Variants in TTN observed in about 807,000 individuals in gnomAD.
The protein encoded by TTN is connectin.
Under a neutral mutation model 3,223.0 loss-of-function variants are expected in TTN, and 1,525 were observed. The observed-to-expected ratio is 0.47, with a 90% CI of 0.45 to 0.49. TTN has a LOEUF of 0.49. Among genes scored for constraint, TTN ranks in the 20% least tolerant of loss-of-function variants. The pLI is 0.00. For missense variants in TTN, 40,786 were observed against 43,424.0 expected (o/e 0.94, Z 5.40); for synonymous variants, 14,094 against 15,161.0 (o/e 0.93, Z 5.17).
Position 178,712,121 on chromosome 2 carries a change from A to C in TTN, c.27709T>G (p.Ser9237Ala), listed in dbSNP as rs766638714. The C allele has an allele frequency of 2.5e-5, 40 of 1,613,682 alleles. No individual in the cohort carries two copies. The East Asian group carries it at 8.2e-4, about 33-fold the overall frequency. ...AATTTTGTATCTCCTTTATACCAGGATACCCCAATTTCAGGGGTTCCAGCA... is the reference window on the plus strand; with the variant it reads ...AATTTTGTATCTCCTTTATACCAGGCTACCCCAATTTCAGGGGTTCCAGCA... ...QLAGTPEIGV[S>A]WYKGDTKLRP... Residue 9237 changes from serine (S) to alanine (A), a missense_variant, in exon 96 of 363, where the codon TCC becomes GCC. Coordinates refer to ENST00000589042, the MANE Select transcript of TTN (RefSeq NM_001267550.2).
At chr2:178,661,734 G>A (rs2064770099) in intron 180 of TTN, 25 bp downstream of exon 180, 1 of 1,591,408 alleles carries the variant, frequency 6.3e-7, no homozygotes, top group African/African-American at 1.4e-5. Flanking sequence ...TAGATCATCT[G>A]AAGCCTAAAA....
rs773517655 is a variant in TTN, at chr2:178,562,791, C to T, written c.83341G>A (p.Asp27781Asn). ...VNLTIREVKK[D>N]SVTLSWEPPL... ...GGTTCCCAGGACAACGTCACTGAGT[C>T]TTTCTTCACTTCTCTTATGGTCAAA... is the stretch of plus-strand genomic sequence containing the variant. Residue 27781 changes from aspartate to asparagine, a missense_variant, in exon 326 of 363, where the codon GAC becomes AAC. By Grantham distance (23) the Asp-to-Asn change is conservative. Coordinates refer to ENST00000589042, the MANE Select transcript of TTN (RefSeq NM_001267550.2). 2 of 1,613,270 alleles carry T rather than the reference C, an allele frequency of 1.2e-6. No individual in the cohort carries two copies. Among genetic ancestry groups the T allele is most frequent in the African/African-American group, 1.3e-5 (1 of 75,022 alleles).
chr2:178,672,396 T>C lies in TTN; in HGVS notation c.34930+11A>G, dbSNP rs777494589. On this transcript the variant is annotated intron_variant, in intron 154 of 362. Coordinates refer to ENST00000589042, the MANE Select transcript of TTN (RefSeq NM_001267550.2). ...ACAATACACGAAAATCCAGGATCTT[T>C]CCAAAAATACCTTTAGCTGGGGGAA... 2.0e-5 allele frequency: 32 copies of C among 1,601,028 alleles called. 1 individual carries two copies. In the South Asian group the frequency reaches 3.6e-4, roughly 18 times the overall value.
chr2:178,628,042 C>T (rs2059292175), intron 240 of TTN, among the ~76,000 whole-genome samples: 1 of 151,994 alleles, frequency 6.6e-6, no homozygotes, highest in Non-Finnish European at 1.5e-5. Context: ...TAACTTAATT[C>T]CCATGCTACA....
Position 178,620,904 on chromosome 2 carries a change from C to T in TTN, c.45706G>A (p.Ala15236Thr). ...TCATTTCTGAACCATTTGGCTTTGGCACCTTCAGTATTGACTTCACAGTTG... is the reference window on the plus strand; with the variant it reads ...TCATTTCTGAACCATTTGGCTTTGGTACCTTCAGTATTGACTTCACAGTTG... ...VFNCEVNTEG[A>T]KAKWFRNEEA... The change falls in exon 247 of 363, where the codon GCC becomes ACC. Residue 15236 changes from alanine to threonine, a missense_variant. Physicochemically the swap from Ala to Thr is moderately conservative, Grantham distance 58 (BLOSUM62 0). Transcript: ENST00000589042. 1.2e-6 allele frequency: 2 copies of T among 1,612,506 alleles called. No homozygotes were observed. Among genetic ancestry groups the T allele is most frequent in the East Asian group, 4.5e-5 (2 of 44,666 alleles).
rs2079519176 is a variant in TTN, at chr2:178,727,365, G to A, written c.20000C>T (p.Pro6667Leu). The A allele has an allele frequency of 6.3e-7, 1 of 1,592,356 alleles. No individual in the cohort carries two copies. Among genetic ancestry groups the A allele is most frequent in the East Asian group, 2.2e-5 (1 of 44,550 alleles). The change falls in exon 69 of 363, where the codon CCA becomes CTA. Residue 6667 changes from proline (P) to leucine (L), a missense_variant. Pro to Leu is a moderately conservative substitution (Grantham distance 98, BLOSUM62 -3). Transcript: ENST00000589042. ...CTTMLLVTEP[P>L]KFVKKLEASK... ...GGCTTCTAATTTCTTTACAAACTTT[G>A]GTGGTTCTAAAGAGTCAGGAAAGAG...
chr2:178,638,713 C>A (rs2060830877), intron 223 of TTN, among the ~76,000 whole-genome samples: 1 of 151,832 alleles, frequency 6.6e-6, no homozygotes, highest in South Asian at 2.1e-4. Flanking sequence ...CTCCCCACCC[C>A]ACCACCACCG....
rs924431483 is a variant in TTN, at chr2:178,636,827, T to C, written c.40928-28A>G. The C allele has an allele frequency of 6.5e-6, 10 of 1,535,416 alleles. No individual in the cohort carries two copies. Among genetic ancestry groups the C allele is most frequent in the African/African-American group, 4.2e-5 (3 of 72,184 alleles). ...AATTCAAAGTAAAATAAAAAGTTGA[T>C]TTGGCATCTCCTTAGGAGTCAGAAA... On this transcript the variant is annotated intron_variant, in intron 224 of 362. Coordinates refer to ENST00000589042, the MANE Select transcript of TTN (RefSeq NM_001267550.2). This position sits in a 1 kb window ranked among gnomAD's most constrained non-coding sequence, Gnocchi z 4.3.
chr2:178,762,461 T>C (rs2089462853), intron 43 of TTN, among the ~76,000 whole-genome samples: 1 of 152,186 alleles, frequency 6.6e-6, no homozygotes, highest in Non-Finnish European at 1.5e-5. Context: ...GCTTCAGGTG[T>C]ATTTCTACAA....
At chr2:178,760,389 G>C (rs563227948) in intron 43 of TTN, among the ~76,000 whole-genome samples, 1 of 152,246 alleles carries the variant, frequency 6.6e-6, no homozygotes, top group Admixed American at 6.5e-5. Flanking sequence ...AATTAGCCAG[G>C]TGTGGTGGCA....
chr2:178,589,419 G>A lies in TTN; in HGVS notation c.62306C>T (p.Pro20769Leu), dbSNP rs772498581. Residue 20769 changes from proline (P) to leucine (L), a missense_variant, in exon 304 of 363, where the codon CCA becomes CTA. By Grantham distance (98) the Pro-to-Leu change is moderately conservative. Transcript: ENST00000589042. ...CCCACTTAATTTCAGATCAAGTACTGGTTTTTGTAAGTCTTCTTTCACAAC... is the reference window on the plus strand; with the variant it reads ...CCCACTTAATTTCAGATCAAGTACTAGTTTTTGTAAGTCTTCTTTCACAAC... Reference protein sequence around the residue: ...EVVVKEDLQKPVLDLKLSGVL... With the variant: ...EVVVKEDLQKLVLDLKLSGVL... 6.2e-7 allele frequency: 1 copy of A among 1,613,340 alleles called. No individual in the cohort carries two copies. Among genetic ancestry groups the A allele is most frequent in the African/African-American group, 1.3e-5 (1 of 74,984 alleles).
chr2:178,565,802 G>A lies in TTN; in HGVS notation c.80330C>T (p.Ala26777Val), dbSNP rs1477186864. The A allele has an allele frequency of 6.2e-7, 1 of 1,613,498 alleles. No homozygotes were observed. Among genetic ancestry groups the A allele is most frequent in the Non-Finnish European group, 8.5e-7 (1 of 1,179,658 alleles). ...TCCTGGTGGGGAAGGAGGTTCAGCA[G>A]CTTTCACGGCATCAACAGTTTCCAC... ...VPVETVDAVK[A>V]AEPPSPPGKV... Residue 26777 changes from alanine (A) to valine (V), a missense_variant, in exon 326 of 363, where the codon GCT becomes GTT. Coordinates refer to ENST00000589042, the MANE Select transcript of TTN (RefSeq NM_001267550.2).
rs766511481 is a variant in TTN, at chr2:178,582,532, A to G, written c.65924T>C (p.Leu21975Pro). 21 of 1,612,926 alleles carry G rather than the reference A, an allele frequency of 1.3e-5. No homozygotes were observed. In the South Asian group the frequency reaches 2.2e-4, roughly 17 times the overall value. The change falls in exon 314 of 363, where the codon CTT becomes CCT. Residue 21975 changes from leucine (L) to proline (P), a missense_variant. Physicochemically the swap from Leu to Pro is moderately conservative, Grantham distance 98. Coordinates refer to ENST00000589042, the MANE Select transcript of TTN (RefSeq NM_001267550.2). ...INKMYSDRAM[L>P]SWEPPLEDGG... Reference sequence around the variant, plus strand: ...ATCTTCAAGAGGCGGTTCCCAAGAAAGCATAGCACGATCTGAATACATTTT... The same window carrying G: ...ATCTTCAAGAGGCGGTTCCCAAGAAGGCATAGCACGATCTGAATACATTTT...
At chr2:178,736,151 G>T in intron 49 of TTN, 77 bp from the exon 50 acceptor site, 1 of 1,315,172 alleles carries the variant, frequency 7.6e-7, no homozygotes. Flanking sequence ...CCAAGACAGA[G>T]AAAAGATGAG....
At chr2:178,802,462 T>C in intron 2 of TTN, 121 bp from the exon 3 acceptor site, 1 of 1,113,706 alleles carries the variant, frequency 9.0e-7, no homozygotes, top group South Asian at 1.4e-5. Flanking sequence ...GGAATGCCAC[T>C]TAATGATAGG....
chr2:178,577,357 A>G lies in TTN; in HGVS notation c.68978T>C (p.Ile22993Thr), dbSNP rs2046666627. ...TGTTGGGGTTGAAGTTATCTGAGTG[A>G]TATCTGATGGTCTAATGTCTTTTCC... ...KAGKDIRPSDITQITSTPTSS... is the reference protein window; with the variant it reads ...KAGKDIRPSDTTQITSTPTSS... The change falls in exon 324 of 363, where the codon ATC becomes ACC. Residue 22993 changes from isoleucine (I) to threonine (T), a missense_variant. Coordinates refer to ENST00000589042, the MANE Select transcript of TTN (RefSeq NM_001267550.2). The G allele has an allele frequency of 6.2e-7, 1 of 1,612,790 alleles. No homozygotes were observed. Among genetic ancestry groups the G allele is most frequent in the South Asian group, 1.1e-5 (1 of 91,026 alleles).
intron 304 of TTN, 147 bp downstream of exon 304, chr2:178,588,391 T>A (rs1410983498): frequency 1.7e-6 from 2 of 1,178,542 alleles, no homozygotes; most frequent in African/African-American, 3.1e-5. Context: ...CTTTTAGGTA[T>A]TTTGGTAAAA....
In TTN at chr2:178,531,766, G is replaced by A. The variant is rs762789368; in HGVS notation, c.104849C>T (p.Ser34950Leu). 3.1e-6 allele frequency: 5 copies of A among 1,613,836 alleles called. No individual in the cohort carries two copies. The Admixed American group carries it at 6.7e-5, about 22-fold the overall frequency. ...ATTTTGGCCACATGGTACCCTGTGC[G>A]AGCGCATTCTCAGTGTGATTCGAGG... ...HAPRITLRMR[S>L]HRVPCGQNTR... is the part of the protein sequence containing the mutation. The change falls in exon 358 of 363, where the codon TCG (serine) becomes TTG (leucine). Residue 34950 changes from serine to leucine, a missense_variant. By Grantham distance (145) the Ser-to-Leu change is moderately radical. Transcript: ENST00000589042.
At chr2:178,557,595 AAC>A (rs1702023448) in intron 328 of TTN, 40 bp from the exon 329 acceptor site, 1 of 1,613,016 alleles carries the variant, frequency 6.2e-7, no homozygotes, top group Admixed American at 1.7e-5. Context: ...TACAGACAAT[AAC>A]ACATTTATGG....
Sources: gnomAD v4.1 joint callset for allele counts (sites outside exome capture counted in the v4.1 genomes callset) on GRCh38, gnomAD v4.1.1 for gene constraint, Gnocchi (gnomAD v3.1) non-coding constraint, MANE v1.5 for transcripts, NCBI Gene and HGNC (gene_info 2026-07-23, HGNC 2026-07-21) for gene names.